The following LPAR1 variants were observed in gnomAD, a reference collection of about 807,000 sequenced individuals.
LPAR1 encodes the protein lysophosphatidic acid receptor 1, also known as LPA receptor 1.
In LPAR1, 5 loss-of-function variants were observed where a neutral mutation model predicts 23.8. The observed-to-expected ratio is 0.21, with a 90% CI of 0.11 to 0.44. The LOEUF is 0.44. LPAR1 is among the 20% of genes least tolerant of loss of function. The pLI, the probability that LPAR1 is intolerant of heterozygous loss-of-function variation, is 0.99. For synonymous variants in LPAR1, 160 were observed against 164.7 expected (o/e 0.97, Z 0.22); for missense variants, 311 against 482.8 (o/e 0.64, Z 3.33).
intron 2 of LPAR1, among the ~76,000 whole-genome samples, chr9:111,025,467 T>C (rs1461392190): frequency 6.6e-6 from 1 of 152,248 alleles, no homozygotes; most frequent in Non-Finnish European, 1.5e-5. Flanking sequence ...GATGAATAGA[T>C]TGCAAACATT....
chr9:110,999,710 T>C (rs1304328266), intron 2 of LPAR1, among the ~76,000 whole-genome samples: 1 of 152,100 alleles, frequency 6.6e-6, no homozygotes, highest in Admixed American at 6.5e-5. Flanking sequence ...GTCACATTTA[T>C]GAAACTCCTA....
At chr9:110,883,282 C>G (rs1352419300) in intron 5 of LPAR1, among the ~76,000 whole-genome samples, 2 of 152,150 alleles carry the variant, frequency 1.3e-5, no homozygotes, top group African/African-American at 4.8e-5. Context: ...CTGTTCTGCC[C>G]ACCTTCGCCT....
At chr9:110,943,829 C>T (rs1166207996) in intron 4 of LPAR1, among the ~76,000 whole-genome samples, 1 of 147,644 alleles carries the variant, frequency 6.8e-6, no homozygotes, top group Non-Finnish European at 1.5e-5. Flanking sequence ...CACTGCACTC[C>T]AGCCTGAGTA....
At chr9:110,922,824 A>AT (rs1554786500) in intron 5 of LPAR1, among the ~76,000 whole-genome samples, 2 of 142,240 alleles carry the variant, frequency 1.4e-5, no homozygotes, top group African/African-American at 2.6e-5. Flanking sequence ...TCTTATTATT[A>AT]TATTATTATT....
chr9:111,002,473 T>C (rs141093983), intron 2 of LPAR1, among the ~76,000 whole-genome samples: 198 of 152,312 alleles, frequency 1.3e-3, no homozygotes, highest in African/African-American at 4.5e-3. Context: ...TAACAGACAC[T>C]ACTCATGGGG....
intron 5 of LPAR1, among the ~76,000 whole-genome samples, chr9:110,886,054 C>T (rs1377325502): frequency 6.6e-6 from 1 of 152,014 alleles, no homozygotes; most frequent in East Asian, 1.9e-4. Flanking sequence ...AAAAATTAGT[C>T]GGGTGTGATG....
At chr9:110,951,020 G>C (rs1193031851) in intron 4 of LPAR1, among the ~76,000 whole-genome samples, 1 of 152,030 alleles carries the variant, frequency 6.6e-6, no homozygotes, top group Non-Finnish European at 1.5e-5. Context: ...GAAATACATG[G>C]ATAGCCCAAT....
chr9:110,887,333 TAA>T (rs2082672515), intron 5 of LPAR1, among the ~76,000 whole-genome samples: 2 of 151,926 alleles, frequency 1.3e-5, no homozygotes, highest in Non-Finnish European at 2.9e-5. Flanking sequence ...TTACATAACC[TAA>T]AAATGTTTAT....
chr9:110,954,271 G>A (rs898437968), intron 4 of LPAR1, among the ~76,000 whole-genome samples: 3 of 151,978 alleles, frequency 2.0e-5, no homozygotes, highest in Non-Finnish European at 4.4e-5. Context: ...CAGACCAAAA[G>A]AGAAACAAAA....
intron 2 of LPAR1, among the ~76,000 whole-genome samples, chr9:110,974,484 C>T (rs1395267214): frequency 6.6e-6 from 1 of 152,138 alleles, no homozygotes; most frequent in Non-Finnish European, 1.5e-5. Flanking sequence ...TTGACAGCAA[C>T]TTCTATAAGC....
At chr9:110,890,592 G>C (rs2083832246) in intron 5 of LPAR1, among the ~76,000 whole-genome samples, 1 of 152,088 alleles carries the variant, frequency 6.6e-6, no homozygotes, top group Non-Finnish European at 1.5e-5. Context: ...AGGGTCCTTA[G>C]CACCCTGCCC....
At chr9:110,930,581 T>C (rs1000849552) in intron 5 of LPAR1, among the ~76,000 whole-genome samples, 1 of 152,058 alleles carries the variant, frequency 6.6e-6, no homozygotes, top group Non-Finnish European at 1.5e-5. Flanking sequence ...CAAAACCCAT[T>C]TACTTCATAA....
At chr9:111,037,880 G>C (rs1013373608) in intron 1 of LPAR1, 2 of 152,234 alleles carry the variant, frequency 1.3e-5, no homozygotes, top group Non-Finnish European at 1.5e-5. Context: ...GGGCGGCTGC[G>C]GCAACTTCCC....
intron 5 of LPAR1, among the ~76,000 whole-genome samples, chr9:110,933,909 G>A (rs1163882800): frequency 2.6e-5 from 4 of 152,140 alleles, no homozygotes; most frequent in African/African-American, 9.7e-5. Context: ...TATTTGAATG[G>A]AGATGGGCAA....
chr9:111,002,794 A>C (rs886789093), intron 2 of LPAR1, among the ~76,000 whole-genome samples: 1 of 152,218 alleles, frequency 6.6e-6, no homozygotes, highest in South Asian at 2.1e-4. Context: ...TATGCTCTAG[A>C]AAGATGTGTC....
chr9:110,929,967 GAACTA>G (rs2094296281), intron 5 of LPAR1, among the ~76,000 whole-genome samples: 1 of 151,984 alleles, frequency 6.6e-6, no homozygotes, highest in African/African-American at 2.4e-5. Context: ...CTCAAAAACA[GAACTA>G]TACATTTCCA....
At chr9:111,008,700 G>A (rs1179835657) in intron 2 of LPAR1, among the ~76,000 whole-genome samples, 4 of 152,104 alleles carry the variant, frequency 2.6e-5, no homozygotes, top group East Asian at 1.9e-4. Context: ...GGAAAGAGTC[G>A]CCCCTGAGAA....
chr9:110,917,183 CAA>C (rs72090804), intron 5 of LPAR1, among the ~76,000 whole-genome samples: 8 of 122,790 alleles, frequency 6.5e-5, no homozygotes, highest in Non-Finnish European at 8.9e-5. Context: ...ACTAAAAATA[CAA>C]AAAAAAAAAA....
intron 5 of LPAR1, among the ~76,000 whole-genome samples, chr9:110,926,714 CTCCTT>C (rs1040041319): frequency 1.3e-5 from 2 of 151,816 alleles, no homozygotes; most frequent in African/African-American, 4.8e-5. Flanking sequence ...TCCCCTAACT[CTCCTT>C]TCCTTTCCTT....
Sources: allele counts gnomAD v4.1 joint callset (sites outside exome capture counted in the v4.1 genomes callset), GRCh38; gene constraint gnomAD v4.1.1; transcripts MANE v1.5; gene names NCBI Gene and HGNC (gene_info 2026-07-23, HGNC 2026-07-21).